CCNT1: variants seen among roughly 807,000 people sequenced by gnomAD.
The protein encoded by CCNT1 is cyclin-T1.
Under a neutral mutation model 67.3 loss-of-function variants are expected in CCNT1, and 18 were observed. The observed-to-expected ratio is 0.27, with a 90% CI of 0.18 to 0.40. CCNT1 has a LOEUF of 0.40. CCNT1 is among the 10% of genes least tolerant of loss of function. The probability of loss-of-function intolerance (pLI) is 1.00; values close to 1 mark genes in which losing one functional copy is unlikely to be tolerated. For missense variants in CCNT1, 744 were observed against 884.9 expected, an observed-to-expected ratio of 0.84 and a Z score of 2.02; for synonymous variants, 333 against 310.3, an observed-to-expected ratio of 1.07 and a Z score of -0.77.
chr12:48,707,815 T>C (rs1443846357), intron 2 of CCNT1, among the ~76,000 whole-genome samples: 1 of 152,146 alleles, frequency 6.6e-6, no homozygotes, highest in East Asian at 1.9e-4. Flanking sequence ...TCCCAGCACT[T>C]TGGGAGGCCG....
intron 2 of CCNT1, among the ~76,000 whole-genome samples, chr12:48,711,735 T>G (rs1026249963): frequency 2.6e-5 from 4 of 152,172 alleles, no homozygotes; most frequent in Admixed American, 2.6e-4. Context: ...AGGGCATGAC[T>G]AGAGGTACAG....
In CCNT1 at chr12:48,693,749, C is replaced by A. The variant is rs1940121593; in HGVS notation, c.1465G>T (p.Ala489Ser). 1 of 1,614,028 alleles carries A rather than the reference C, an allele frequency of 6.2e-7. No homozygotes were observed. Among genetic ancestry groups the A allele is most frequent in the African/African-American group, 1.3e-5 (1 of 74,920 alleles). Reference sequence around the variant, plus strand: ...TCTACAGAATTGTGCTTATCAGCTGCAGCATGGACTTTTATGCGCATTTTT... The same window carrying A: ...TCTACAGAATTGTGCTTATCAGCTGAAGCATGGACTTTTATGCGCATTTTT... ...EIKMRIKVHA[A>S]ADKHNSVEDS... Residue 489 changes from alanine (A) to serine (S), a missense_variant, in exon 9 of 9, where the codon GCA becomes TCA. Ala to Ser is a moderately conservative substitution (Grantham distance 99). Around this residue, in one of 3 missense-constraint regions of CCNT1, gnomAD observed 564 missense variants for 574.2 expected, o/e 0.98. Coordinates refer to ENST00000261900, the MANE Select transcript of CCNT1 (RefSeq NM_001240.4).
At chr12:48,701,956 G>A (rs1181961106) in intron 3 of CCNT1, among the ~76,000 whole-genome samples, 2 of 149,782 alleles carry the variant, frequency 1.3e-5, no homozygotes, top group Non-Finnish European at 3.0e-5. Flanking sequence ...GAGTGCAGTG[G>A]CGCGACCTCG....
At chr12:48,708,273 G>A (rs569046753) in intron 2 of CCNT1, among the ~76,000 whole-genome samples, 5 of 152,030 alleles carry the variant, frequency 3.3e-5, no homozygotes, top group African/African-American at 4.8e-5. Flanking sequence ...TAGGCCGGGC[G>A]TGGTGGCTCA....
Position 48,690,944 on chromosome 12 carries a change from A to G in CCNT1, c.*2089T>C, listed in dbSNP as rs1940062646. ...CATTCCCTTTTGGAAACAGACTCCA[A>G]CAAACAAAATCTAAATAAATAGAAG... On this transcript the variant is annotated 3_prime_UTR_variant, in exon 9 of 9. Transcript: ENST00000261900. 6.6e-6 allele frequency: 1 copy of G among 152,252 alleles called. No individual in the cohort carries two copies. Among genetic ancestry groups the G allele is most frequent in the African/African-American group, 2.4e-5 (1 of 41,474 alleles). The allele number at this position is 152,252 out of a possible 1,614,324, so 9.4% of individuals were successfully genotyped here.
intron 3 of CCNT1, among the ~76,000 whole-genome samples, chr12:48,703,946 T>C (rs1384480360): frequency 1.3e-5 from 2 of 152,034 alleles, no homozygotes; most frequent in Non-Finnish European, 2.9e-5. Context: ...AAAAAGAATA[T>C]TTTTCATAAC....
chr12:48,694,215 A>G lies in CCNT1; in HGVS notation c.999T>C (p.Arg333=), dbSNP rs1297653891. 1 of 1,614,058 alleles carries G rather than the reference A, an allele frequency of 6.2e-7. No individual in the cohort carries two copies. The highest frequency in any genetic ancestry group is 1.3e-5 in the African/African-American group (1 of 74,928). The part of the protein sequence containing the change: ...LTSVEMLPGK[R]WLSSQPSFKL... ...TGAAAGAAGGTTGGGAGGACAGCCA[A>G]CGCTTGCCCGGCAACATCTCCACAC... Residue 333 remains arginine (R), a synonymous_variant, in exon 9 of 9, where the codon CGT becomes CGC. Transcript: ENST00000261900.
rs1397241517 is a variant in CCNT1, at chr12:48,688,674, C to T, written c.*4359G>A. 1 of 152,084 alleles carries T rather than the reference C, an allele frequency of 6.6e-6. No individual in the cohort carries two copies. Among genetic ancestry groups the T allele is most frequent in the Non-Finnish European group, 1.5e-5 (1 of 68,046 alleles). 9.4% of individuals were successfully genotyped at this position (152,084 alleles called of 1,614,324 possible). A position where few individuals can be genotyped will look rare whatever the true frequency, so the allele number is the denominator to read the frequency against. ...GATATCCCAGGGGTAGCATCCAGAG[C>T]TGAGGTGCCCCAAGGAAGACAGAGG... On this transcript the variant is annotated 3_prime_UTR_variant, in exon 9 of 9. Coordinates refer to ENST00000261900, the MANE Select transcript of CCNT1 (RefSeq NM_001240.4).
chr12:48,703,686 A>G (rs1940309161), intron 3 of CCNT1, among the ~76,000 whole-genome samples: 1 of 152,166 alleles, frequency 6.6e-6, no homozygotes, highest in South Asian at 2.1e-4. Flanking sequence ...CTGTAATCCC[A>G]GCACTTGGGA....
intron 3 of CCNT1, among the ~76,000 whole-genome samples, chr12:48,702,014 A>G (rs963947357): frequency 1.3e-5 from 2 of 152,084 alleles, no homozygotes; most frequent in African/African-American, 4.8e-5. Context: ...CTCCTGCCTC[A>G]GCCTCCCGAG....
At position 48,693,754 on chromosome 12, in the gene CCNT1, T is replaced by C; in HGVS notation, c.1460A>G (p.His487Arg). Residue 487 changes from histidine to arginine, a missense_variant, in exon 9 of 9, where the codon CAT becomes CGT. By Grantham distance (29) the His-to-Arg change is conservative (BLOSUM62 0). Around this residue, in one of 3 missense-constraint regions of CCNT1, gnomAD observed 564 missense variants for 574.2 expected, o/e 0.98. Coordinates refer to ENST00000261900, the MANE Select transcript of CCNT1 (RefSeq NM_001240.4). ...AGAATTGTGCTTATCAGCTGCAGCA[T>C]GGACTTTTATGCGCATTTTTATCTC... is the stretch of plus-strand genomic sequence containing the variant. ...PEEIKMRIKVHAAADKHNSVE... is the reference protein window; with the variant it reads ...PEEIKMRIKVRAAADKHNSVE... 3 of 1,614,148 alleles carry C rather than the reference T, an allele frequency of 1.9e-6. No homozygotes were observed. Among genetic ancestry groups the C allele is most frequent in the South Asian group, 1.1e-5 (1 of 91,080 alleles).
chr12:48,708,037 C>T (rs946545882), intron 2 of CCNT1, among the ~76,000 whole-genome samples: 1 of 152,030 alleles, frequency 6.6e-6, no homozygotes, highest in African/African-American at 2.4e-5. Flanking sequence ...CACTGTACTC[C>T]AGCCTGGGCA....
chr12:48,688,818 TTTC>T lies in CCNT1; in HGVS notation c.*4212_*4214del, dbSNP rs1447182849. The T allele has an allele frequency of 2.6e-5, 4 of 151,964 alleles. No individual in the cohort carries two copies. The highest frequency in any genetic ancestry group is 5.9e-5 in the Non-Finnish European group (4 of 68,000). 9.4% of individuals were successfully genotyped at this position (151,964 alleles called of 1,614,324 possible). On this transcript the variant is annotated 3_prime_UTR_variant, in exon 9 of 9. Transcript: ENST00000261900. Reference sequence around the variant, plus strand: ...ATTGGTAAAGTGTTTTACTTTTTTTTTTCTTTTCGCTCTTTGGTCTGACAAGAA... The same window carrying T: ...ATTGGTAAAGTGTTTTACTTTTTTTTTTTTCGCTCTTTGGTCTGACAAGAA...
At position 48,696,169 on chromosome 12, in the gene CCNT1, T is replaced by A; in HGVS notation, c.543-7A>T. 6.5e-7 allele frequency: 1 copy of A among 1,526,950 alleles called. No individual in the cohort carries two copies. The highest frequency in any genetic ancestry group is 8.8e-7 in the Non-Finnish European group (1 of 1,136,972). The allele number at this position is 1,526,950 out of a possible 1,614,324, so 94.6% of individuals were successfully genotyped here. A position where few individuals can be genotyped will look rare whatever the true frequency, so the allele number is the denominator to read the frequency against. ...AAATGTGGTCAAATGCAGGCTGACA[T>A]CAGAGGGAAGAAAACAGAGAGTGTC... On this transcript the variant is annotated splice_region_variant and splice_polypyrimidine_tract_variant and intron_variant, in intron 6 of 8. Coordinates refer to ENST00000261900, the MANE Select transcript of CCNT1 (RefSeq NM_001240.4).
At chr12:48,697,971 T>C in intron 6 of CCNT1, 167 bp downstream of exon 6, 1 of 466,492 alleles carries the variant, frequency 2.1e-6, no homozygotes, top group Non-Finnish European at 3.8e-6. Flanking sequence ...TACTAAATAA[T>C]TACATAACCT....
chr12:48,706,642 G>A (rs1940364699), intron 2 of CCNT1, among the ~76,000 whole-genome samples: 1 of 152,138 alleles, frequency 6.6e-6, no homozygotes, highest in East Asian at 1.9e-4. Context: ...TCAGGAAATA[G>A]AACTTTTCTT....
Position 48,694,076 on chromosome 12 carries a change from T to C in CCNT1, c.1138A>G (p.Lys380Glu), listed in dbSNP as rs1192807144. The change falls in exon 9 of 9, where the codon AAG becomes GAG. Residue 380 changes from lysine (K) to glutamate (E), a missense_variant. Lys to Glu is a moderately conservative substitution (Grantham distance 56). Around this residue, in one of 3 missense-constraint regions of CCNT1, gnomAD observed 564 missense variants for 574.2 expected, o/e 0.98. Coordinates refer to ENST00000261900, the MANE Select transcript of CCNT1 (RefSeq NM_001240.4). ...GACACTTTAGCTGATGGCACACTCT[T>C]ACTATTCTGCTTCTGGGAAATAAAT... ...NAFISQKQNS[K>E]SVPSAKVSLK... is the part of the protein sequence containing the mutation. 6.2e-7 allele frequency: 1 copy of C among 1,614,246 alleles called. No individual in the cohort carries two copies. The highest frequency in any genetic ancestry group is 8.5e-7 in the Non-Finnish European group (1 of 1,180,040).
At chr12:48,710,738 T>C (rs1940435789) in intron 2 of CCNT1, among the ~76,000 whole-genome samples, 1 of 152,206 alleles carries the variant, frequency 6.6e-6, no homozygotes, top group Admixed American at 6.5e-5. Context: ...GAAAAGGGAA[T>C]CTCTGTCCTT....
At chr12:48,704,654 C>G (rs1281263310) in intron 3 of CCNT1, among the ~76,000 whole-genome samples, 4 of 152,136 alleles carry the variant, frequency 2.6e-5, no homozygotes, top group African/African-American at 7.2e-5. Context: ...GCTAAAAATA[C>G]AAAAATTAGC....
Sources: allele counts gnomAD v4.1 joint callset (sites outside exome capture counted in the v4.1 genomes callset), GRCh38; gene constraint gnomAD v4.1.1; regional missense constraint gnomAD v4.1.1; transcripts MANE v1.5; gene names NCBI Gene and HGNC (gene_info 2026-07-23, HGNC 2026-07-21).